Variants in ARMH4 observed in about 807,000 individuals in gnomAD.
ARMH4 encodes the protein armadillo like helical domain containing 4, also known as armadillo-like helical domain-containing protein 4.
In ARMH4, 49 loss-of-function variants were observed where a neutral mutation model predicts 61.9. The ratio of observed to expected loss-of-function variants is 0.79; its 90% confidence interval spans 0.63 to 1.00. The LOEUF (loss-of-function observed/expected upper bound fraction) is 1.00. Ranked by LOEUF, ARMH4 falls within the 50% of genes least tolerant of loss-of-function variation. The pLI is 0.00. For missense variants in ARMH4, 934 were observed against 930.0 expected, an observed-to-expected ratio of 1.00 and a Z score of -0.06; for synonymous variants, 368 against 341.5, an observed-to-expected ratio of 1.08 and a Z score of -0.85.
chr14:58,004,890 C>G (rs1594681844), intron 7 of ARMH4, 86 bp from the exon 8 acceptor site: 19 of 1,527,074 alleles, frequency 1.2e-5, no homozygotes, highest in Non-Finnish European at 1.7e-5. Flanking sequence ...GACATGCTAA[C>G]AAACGAAGCC....
intron 1 of ARMH4, among the ~76,000 whole-genome samples, chr14:58,144,684 G>A (rs940108293): frequency 6.4e-4 from 97 of 152,102 alleles, no homozygotes; most frequent in African/African-American, 2.2e-3. Context: ...TGGCTAACAC[G>A]GTGAAACCCC....
chr14:58,082,859 T>C (rs577169956), intron 5 of ARMH4, among the ~76,000 whole-genome samples: 1 of 152,302 alleles, frequency 6.6e-6, no homozygotes, highest in African/African-American at 2.4e-5. Flanking sequence ...GTAAATGATA[T>C]GTACTGCCAT....
chr14:58,081,642 A>G (rs925643448), intron 5 of ARMH4, among the ~76,000 whole-genome samples: 2 of 151,960 alleles, frequency 1.3e-5, no homozygotes, highest in Non-Finnish European at 2.9e-5. Flanking sequence ...CTGGGACTAC[A>G]GGCACCCACC....
At chr14:58,151,587 A>C (rs1397497937) in intron 1 of ARMH4, among the ~76,000 whole-genome samples, 1 of 152,204 alleles carries the variant, frequency 6.6e-6, no homozygotes, top group Non-Finnish European at 1.5e-5. Context: ...TGGTGACCGC[A>C]GCAACGATTC....
At chr14:58,047,444 T>C (rs774788531) in intron 5 of ARMH4, among the ~76,000 whole-genome samples, 4 of 152,196 alleles carry the variant, frequency 2.6e-5, no homozygotes, top group Non-Finnish European at 4.4e-5. Context: ...AGACACACTG[T>C]TCTAAGCCCT....
In ARMH4 at chr14:58,072,382, A is replaced by T. The variant is rs944576388; in HGVS notation, c.2089+24342T>A. On this transcript the variant is annotated intron_variant, in intron 5 of 7. Coordinates refer to ENST00000267485, the MANE Select transcript of ARMH4 (RefSeq NM_001001872.4). ...AGAAATCTAGATAACTAATTGTAATAGCTACTTTCAATTGTAATAGCTCCT... is the reference window on the plus strand; with the variant it reads ...AGAAATCTAGATAACTAATTGTAATTGCTACTTTCAATTGTAATAGCTCCT... 7.9e-5 allele frequency among the ~76,000 whole-genome samples: 12 copies of T among 152,302 alleles called. No individual in the cohort carries two copies. The South Asian group carries it at 1.2e-3, about 16-fold the overall frequency.
Position 58,012,113 on chromosome 14 carries a change from T to C in ARMH4, c.2121+6A>G, listed in dbSNP as rs892277392. The C allele has an allele frequency of 2.0e-6, 3 of 1,479,646 alleles. No homozygotes were observed. The highest frequency in any genetic ancestry group is 2.4e-5 in the East Asian group (1 of 42,246). 91.7% of individuals were successfully genotyped at this position (1,479,646 alleles called of 1,614,324 possible). On this transcript the variant is annotated splice_donor_region_variant and intron_variant, in intron 6 of 7. Transcript: ENST00000267485. The stretch of plus-strand genomic sequence containing the variant: ...ATAAACCAATGGAAGAAAATACTTT[T>C]CTTACCTTGTCTTTTAATTTTTCCA...
At chr14:58,067,616 G>T (rs1884745517) in intron 5 of ARMH4, among the ~76,000 whole-genome samples, 1 of 152,204 alleles carries the variant, frequency 6.6e-6, no homozygotes, top group Admixed American at 6.5e-5. Flanking sequence ...GTTCTTTATG[G>T]TGGTGGACAG....
intron 5 of ARMH4, among the ~76,000 whole-genome samples, chr14:58,068,813 T>C (rs4901842): frequency 0.53 from 80,878 of 151,776 alleles, 23,141 homozygotes; most frequent in Non-Finnish European, 0.63. Flanking sequence ...TAGAGACAAG[T>C]CTGGGCAACA....
chr14:58,030,867 T>G (rs1883203820), intron 5 of ARMH4, among the ~76,000 whole-genome samples: 1 of 152,252 alleles, frequency 6.6e-6, no homozygotes, highest in Admixed American at 6.5e-5. Context: ...TGTTTATCCA[T>G]ACACCCATCA....
intron 4 of ARMH4, among the ~76,000 whole-genome samples, chr14:58,121,939 C>T (rs1447327950): frequency 6.6e-6 from 1 of 152,162 alleles, no homozygotes; most frequent in Non-Finnish European, 1.5e-5. Context: ...GAACAGGCAA[C>T]TGGGGGAGAA....
intron 3 of ARMH4, among the ~76,000 whole-genome samples, chr14:58,132,225 C>T (rs1203621551): frequency 6.6e-6 from 1 of 152,176 alleles, no homozygotes; most frequent in African/African-American, 2.4e-5. Flanking sequence ...GTAGCTTTCA[C>T]ATAGATTTGA....
intron 5 of ARMH4, among the ~76,000 whole-genome samples, chr14:58,089,980 A>G (rs1885504790): frequency 1.3e-5 from 2 of 152,216 alleles, no homozygotes; most frequent in Admixed American, 1.3e-4. Context: ...TAGGTGCTCA[A>G]TGAATATCTG....
At chr14:58,040,853 T>C (rs1394120707) in intron 5 of ARMH4, among the ~76,000 whole-genome samples, 1 of 152,234 alleles carries the variant, frequency 6.6e-6, no homozygotes, top group Non-Finnish European at 1.5e-5. Context: ...GAAACCTCAC[T>C]ATGACATAGA....
At chr14:58,140,112 T>C (rs1234281092) in intron 1 of ARMH4, among the ~76,000 whole-genome samples, 3 of 149,480 alleles carry the variant, frequency 2.0e-5, no homozygotes, top group African/African-American at 7.4e-5. Context: ...CTACTAAAAA[T>C]ACAAAAATTA....
chr14:58,070,819 T>A (rs1395589282), intron 5 of ARMH4, among the ~76,000 whole-genome samples: 2 of 152,294 alleles, frequency 1.3e-5, no homozygotes, highest in Middle Eastern at 3.4e-3. Context: ...TCTATTTTTT[T>A]ATTTTTTTGT....
At chr14:58,099,968 T>C (rs1019848506) in intron 4 of ARMH4, among the ~76,000 whole-genome samples, 2 of 152,182 alleles carry the variant, frequency 1.3e-5, no homozygotes, top group African/African-American at 4.8e-5. Context: ...CATTAGTTAA[T>C]TTATAAGGTA....
chr14:58,009,730 G>A (rs8011332), intron 6 of ARMH4, among the ~76,000 whole-genome samples: 39,101 of 146,210 alleles, frequency 0.27, 5,300 homozygotes, highest in Non-Finnish European at 0.3. Context: ...AGAATCGCTT[G>A]AACCCAGGAG....
chr14:58,043,994 GCT>G (rs1490116832), intron 5 of ARMH4, among the ~76,000 whole-genome samples: 1 of 152,174 alleles, frequency 6.6e-6, no homozygotes, highest in Non-Finnish European at 1.5e-5. Flanking sequence ...AACATTCCAT[GCT>G]CATGGATAGG....
Sources: gnomAD v4.1 joint callset for allele counts (sites outside exome capture counted in the v4.1 genomes callset) on GRCh38, gnomAD v4.1.1 for gene constraint, MANE v1.5 for transcripts, NCBI Gene and HGNC (gene_info 2026-07-23, HGNC 2026-07-21) for gene names.